The following KCNV2 variants were observed in gnomAD, a reference collection of about 807,000 sequenced individuals.
The protein encoded by KCNV2 is potassium voltage-gated channel modifier subfamily V member 2, also known as potassium voltage-gated channel subfamily V member 2.
Under a neutral mutation model 37.0 loss-of-function variants are expected in KCNV2, and 65 were observed. The observed-to-expected ratio is 1.76, with a 90% confidence interval of 1.44 to 2.16. The LOEUF (loss-of-function observed/expected upper bound fraction) is 2.16. Among genes scored for constraint, KCNV2 ranks in the 30% most tolerant of loss-of-function variants. The pLI, the probability that KCNV2 is intolerant of heterozygous loss-of-function variation, is 0.00. For missense variants in KCNV2, 1,232 were observed against 766.7 expected (o/e 1.61, Z -7.17); for synonymous variants, 518 against 328.6 (o/e 1.58, Z -6.23).
In KCNV2 at chr9:2,717,566, G is replaced by C; in HGVS notation, c.-174G>C. 2 of 746,572 alleles carry C rather than the reference G, an allele frequency of 2.7e-6. No individual in the cohort carries two copies. Among genetic ancestry groups the C allele is most frequent in the South Asian group, 1.7e-5 (1 of 58,984 alleles). The allele number at this position is 746,572 out of a possible 1,614,324, so 46.2% of individuals were successfully genotyped here. On this transcript the variant is annotated 5_prime_UTR_variant, in exon 1 of 2. Coordinates refer to ENST00000382082, the MANE Select transcript of KCNV2 (RefSeq NM_133497.4). ...CTGCAGGCTGGGCTGGCCTGCCCAG[G>C]ACCTGAGAAGGGGCAGCTCCGGTGG...
intron 1 of KCNV2, among the ~76,000 whole-genome samples, chr9:2,720,777 G>A (rs1217267872): frequency 6.6e-6 from 1 of 152,116 alleles, no homozygotes; most frequent in East Asian, 1.9e-4. Flanking sequence ...AAGTTTTTTC[G>A]ACCTTTTGTA....
chr9:2,724,419 T>G (rs1056292204), intron 1 of KCNV2, among the ~76,000 whole-genome samples: 15 of 152,036 alleles, frequency 9.9e-5, no homozygotes, highest in African/African-American at 3.4e-4. Context: ...GGGAATTTAA[T>G]ACAAGGAAAT....
intron 1 of KCNV2, among the ~76,000 whole-genome samples, chr9:2,724,151 C>T (rs10967738): frequency 0.053 from 8,115 of 151,886 alleles, 735 homozygotes; most frequent in African/African-American, 0.19. Flanking sequence ...CAGGAAACTA[C>T]GGCATGAACT....
intron 1 of KCNV2, among the ~76,000 whole-genome samples, chr9:2,720,753 G>C (rs1819851794): frequency 6.6e-6 from 1 of 152,180 alleles, no homozygotes; most frequent in African/African-American, 2.4e-5. Flanking sequence ...TGATACTACA[G>C]TTTGAACCCA....
chr9:2,718,137 G>GCCGCCAGCTAAGCCT lies in KCNV2; in HGVS notation c.399_413dup (p.Arg134_Leu138dup). On this transcript the variant is annotated inframe_insertion, in exon 1 of 2. Transcript: ENST00000382082. ...CGCCTGGCCACCTCCACCAGCCGCA[G>GCCGCCAGCTAAGCCT]CCGCCAGCTAAGCCTGTGCGACGAC... The GCCGCCAGCTAAGCCT allele has an allele frequency of 6.2e-7, 1 of 1,609,180 alleles. No homozygotes were observed. Among genetic ancestry groups the GCCGCCAGCTAAGCCT allele is most frequent in the Non-Finnish European group, 8.5e-7 (1 of 1,177,932 alleles).
intron 1 of KCNV2, among the ~76,000 whole-genome samples, chr9:2,723,548 T>C (rs1437038560): frequency 6.6e-6 from 1 of 151,758 alleles, no homozygotes; most frequent in Non-Finnish European, 1.5e-5. Context: ...ATCTGTCAAA[T>C]GGAGGTTATT....
At chr9:2,727,419 A>T (rs969095175) in intron 1 of KCNV2, among the ~76,000 whole-genome samples, 1 of 151,980 alleles carries the variant, frequency 6.6e-6, no homozygotes, top group Non-Finnish European at 1.5e-5. Flanking sequence ...TGTACCCTAG[A>T]ACTTAAATAA....
intron 1 of KCNV2, among the ~76,000 whole-genome samples, chr9:2,728,268 G>T (rs1269308205): frequency 6.6e-6 from 1 of 152,182 alleles, no homozygotes; most frequent in African/African-American, 2.4e-5. Flanking sequence ...GCCGTCTGCT[G>T]GAAAATTATG....
At position 2,717,829 on chromosome 9, in the gene KCNV2, T is replaced by C. The variant is rs1238655127; in HGVS notation, c.90T>C (p.Ile30=). The C allele has an allele frequency of 6.2e-7, 1 of 1,614,022 alleles. No individual in the cohort carries two copies. Among genetic ancestry groups the C allele is most frequent in the Non-Finnish European group, 8.5e-7 (1 of 1,180,024 alleles). ...ENEGSQHRRS[I]CSLGARSGSQ... Reference sequence around the variant, plus strand: ...AGGGCAGCCAACACCGCAGGAGCATTTGCTCCCTGGGTGCCCGTTCCGGCT... The same window carrying C: ...AGGGCAGCCAACACCGCAGGAGCATCTGCTCCCTGGGTGCCCGTTCCGGCT... Residue 30 remains isoleucine, a synonymous_variant, in exon 1 of 2, where the codon ATT becomes ATC. Transcript: ENST00000382082.
Position 2,718,532 on chromosome 9 carries a change from G to A in KCNV2, c.793G>A (p.Ala265Thr). The stretch of plus-strand genomic sequence containing the variant: ...GGTGGCCGCCAAGGCCATCGGGGTG[G>A]CCTCCAGCACCTTCGTGCTCGTCTC... ...SSVAAKAIGV[A>T]SSTFVLVSVV... The change falls in exon 1 of 2, where the codon GCC (alanine) becomes ACC (threonine). Residue 265 changes from alanine to threonine, a missense_variant. Transcript: ENST00000382082. 1.2e-6 allele frequency: 2 copies of A among 1,611,526 alleles called. No individual in the cohort carries two copies. Among genetic ancestry groups the A allele is most frequent in the African/African-American group, 1.3e-5 (1 of 75,048 alleles).
At chr9:2,720,707 G>A (rs1819850825) in intron 1 of KCNV2, among the ~76,000 whole-genome samples, 1 of 152,118 alleles carries the variant, frequency 6.6e-6, no homozygotes, top group Non-Finnish European at 1.5e-5. Flanking sequence ...ATCTTTAAAG[G>A]CTAGTGCATG....
At position 2,718,877 on chromosome 9, in the gene KCNV2, C is replaced by T. The variant is rs1214477952; in HGVS notation, c.1138C>T (p.Arg380Cys). 8 of 1,608,588 alleles carry T rather than the reference C, an allele frequency of 5.0e-6. No homozygotes were observed. The highest frequency in any genetic ancestry group is 2.7e-5 in the African/African-American group (2 of 74,954). ...GGTGGGTCAGGTGTTGCGCGTCATG[C>T]GCCTCATGCGCATCTTCCGCATCCT... ...GKVGQVLRVMRLMRIFRILKL... is the reference protein window; with the variant it reads ...GKVGQVLRVMCLMRIFRILKL... Residue 380 changes from arginine to cysteine, a missense_variant, in exon 1 of 2, where the codon CGC becomes TGC. Transcript: ENST00000382082.
intron 1 of KCNV2, among the ~76,000 whole-genome samples, chr9:2,728,438 C>T (rs985250680): frequency 2.0e-5 from 3 of 152,168 alleles, no homozygotes; most frequent in African/African-American, 7.2e-5. Flanking sequence ...AAAAAACAGT[C>T]CCCAAGGAAT....
At position 2,719,184 on chromosome 9, in the gene KCNV2, G is replaced by C. The variant is rs1392238927; in HGVS notation, c.1356+89G>C. 5 of 1,473,880 alleles carry C rather than the reference G, an allele frequency of 3.4e-6. No homozygotes were observed. In the East Asian group the frequency reaches 7.1e-5, roughly 21 times the overall value. 91.3% of individuals were successfully genotyped at this position (1,473,880 alleles called of 1,614,324 possible). On this transcript the variant is annotated intron_variant, in intron 1 of 1. Transcript: ENST00000382082. The stretch of plus-strand genomic sequence containing the variant: ...CCCTGGTTATCAGCCACCAGGCTTT[G>C]GCTTCTGATCCTCGTCTTCCCCCCC...
intron 1 of KCNV2, among the ~76,000 whole-genome samples, chr9:2,719,503 T>C (rs1390633326): frequency 2.0e-5 from 3 of 151,958 alleles, no homozygotes; most frequent in Non-Finnish European, 4.4e-5. Flanking sequence ...CAGAAATGGC[T>C]TCAGTTTTTG....
Position 2,729,574 on chromosome 9 carries a change from G to C in KCNV2, c.1485G>C (p.Lys495Asn), listed in dbSNP as rs1276455141. 3 of 1,614,036 alleles carry C rather than the reference G, an allele frequency of 1.9e-6. No individual in the cohort carries two copies. The highest frequency in any genetic ancestry group is 1.1e-5 in the South Asian group (1 of 91,066). The change falls in exon 2 of 2, where the codon AAG becomes AAC. Residue 495 changes from lysine (K) to asparagine (N), a missense_variant. By Grantham distance (94) the Lys-to-Asn change is moderately conservative (BLOSUM62 0). Transcript: ENST00000382082. ...TGCCCATTTCCATCCTCTACAACAAGTTTTCTGATTACTACAGCAAGCTGA... is the reference window on the plus strand; with the variant it reads ...TGCCCATTTCCATCCTCTACAACAACTTTTCTGATTACTACAGCAAGCTGA... ...NGMPISILYN[K>N]FSDYYSKLKA...
In KCNV2 at chr9:2,729,951, G is replaced by T; in HGVS notation, c.*224G>T. The stretch of plus-strand genomic sequence containing the variant: ...AACATCTGACCTTCTCAATGACGTT[G>T]ATATTGAAAACCTGAGGGGAGCAAC... On this transcript the variant is annotated 3_prime_UTR_variant, in exon 2 of 2. Coordinates refer to ENST00000382082, the MANE Select transcript of KCNV2 (RefSeq NM_133497.4). The T allele has an allele frequency of 1.8e-6, 1 of 548,746 alleles. No homozygotes were observed. The highest frequency in any genetic ancestry group is 3.1e-5 in the Admixed American group (1 of 32,482). 34.0% of individuals were successfully genotyped at this position (548,746 alleles called of 1,614,324 possible).
At chr9:2,720,890 G>A (rs561035478) in intron 1 of KCNV2, among the ~76,000 whole-genome samples, 2 of 152,254 alleles carry the variant, frequency 1.3e-5, no homozygotes, top group South Asian at 4.2e-4. Context: ...TGTTACTCAG[G>A]TTGTATTTTT....
In KCNV2 at chr9:2,717,759, G is replaced by T. The variant is rs370186140; in HGVS notation, c.20G>T (p.Arg7Met). MLKQSERRRSWSYRPWN... is the reference protein window; with the variant it reads MLKQSEMRRSWSYRPWN... ...GCAGCCATGCTCAAACAGAGTGAGAGGAGACGGTCCTGGAGCTACAGGCCC... is the reference window on the plus strand; with the variant it reads ...GCAGCCATGCTCAAACAGAGTGAGATGAGACGGTCCTGGAGCTACAGGCCC... The change falls in exon 1 of 2, where the codon AGG (arginine) becomes ATG (methionine). Residue 7 changes from arginine to methionine, a missense_variant. Physicochemically the swap from Arg to Met is moderately conservative, Grantham distance 91. Transcript: ENST00000382082. 1.9e-6 allele frequency: 3 copies of T among 1,614,086 alleles called. No homozygotes were observed. In the African/African-American group the frequency reaches 4.0e-5, roughly 22 times the overall value.
Sources: gnomAD v4.1 joint callset for allele counts (sites outside exome capture counted in the v4.1 genomes callset) on GRCh38, gnomAD v4.1.1 for gene constraint, MANE v1.5 for transcripts, NCBI Gene and HGNC (gene_info 2026-07-23, HGNC 2026-07-21) for gene names.